The following INPP4B variants were observed in gnomAD, a reference collection of about 807,000 sequenced individuals.
INPP4B encodes inositol polyphosphate-4-phosphatase type II B, also known as inositol polyphosphate 4-phosphatase type II.
In INPP4B, 55 loss-of-function variants were observed where a neutral mutation model predicts 122.5. That is an observed-to-expected ratio of 0.45 (90% CI 0.36 to 0.56). The LOEUF is 0.56. Ranked by LOEUF, INPP4B falls within the 20% of genes least tolerant of loss-of-function variation. The pLI is 0.00. For synonymous variants in INPP4B, 403 were observed against 388.7 expected, an observed-to-expected ratio of 1.04 and a Z score of -0.43; for missense variants, 1,000 against 1,097.7, an observed-to-expected ratio of 0.91 and a Z score of 1.26.
intron 7 of INPP4B, among the ~76,000 whole-genome samples, chr4:142,327,135 G>T (rs1772681673): frequency 2.0e-5 from 3 of 151,868 alleles, no homozygotes; most frequent in Non-Finnish European, 4.4e-5. Context: ...CCATCGTTAG[G>T]TATTAACAGC....
At chr4:142,372,270 A>C (rs911757030) in intron 7 of INPP4B, among the ~76,000 whole-genome samples, 12 of 152,030 alleles carry the variant, frequency 7.9e-5, no homozygotes, top group Non-Finnish European at 1.5e-5. Flanking sequence ...TGGTTACCAG[A>C]GTCTGGGAAG....
intron 2 of INPP4B, among the ~76,000 whole-genome samples, chr4:142,543,061 A>T (rs537202982): frequency 6.6e-6 from 1 of 152,326 alleles, no homozygotes; most frequent in Admixed American, 6.5e-5. Flanking sequence ...AGGTTCTAAA[A>T]TTACATTAAC....
intron 7 of INPP4B, among the ~76,000 whole-genome samples, chr4:142,323,086 C>CA (rs535151538): frequency 5.3e-5 from 8 of 152,206 alleles, no homozygotes; most frequent in Admixed American, 3.3e-4. Flanking sequence ...AAAGGACACA[C>CA]AAAAAAAGTT....
At chr4:142,065,262 C>T (rs1467702364) in intron 25 of INPP4B, among the ~76,000 whole-genome samples, 7 of 147,838 alleles carry the variant, frequency 4.7e-5, no homozygotes, top group Non-Finnish European at 9.0e-5. Context: ...CACACACACA[C>T]ACATACATAG....
intron 2 of INPP4B, among the ~76,000 whole-genome samples, chr4:142,497,811 G>A (rs1310191555): frequency 6.6e-6 from 1 of 152,042 alleles, no homozygotes; most frequent in East Asian, 1.9e-4. Flanking sequence ...ACTGCCACCT[G>A]CAAAATGCCA....
At chr4:142,299,129 G>A (rs1001485790) in intron 9 of INPP4B, among the ~76,000 whole-genome samples, 1 of 150,968 alleles carries the variant, frequency 6.6e-6, no homozygotes, top group Non-Finnish European at 1.5e-5. Flanking sequence ...ATGTTTTCCT[G>A]CTTTTTCACT....
intron 14 of INPP4B, among the ~76,000 whole-genome samples, chr4:142,201,610 C>T (rs1840657311): frequency 6.6e-6 from 1 of 151,824 alleles, no homozygotes; most frequent in Non-Finnish European, 1.5e-5. Context: ...ACTTAAAGTA[C>T]CATGTTCATT....
chr4:142,253,701 C>A (rs999032303), intron 11 of INPP4B, among the ~76,000 whole-genome samples: 1 of 152,214 alleles, frequency 6.6e-6, no homozygotes, highest in East Asian at 1.9e-4. Context: ...CTCGGAGGGT[C>A]CTACGCCCAC....
intron 9 of INPP4B, among the ~76,000 whole-genome samples, chr4:142,272,224 T>A (rs185942025): frequency 6.6e-6 from 1 of 152,210 alleles, no homozygotes; most frequent in African/African-American, 2.4e-5. Flanking sequence ...AAGGGGCATT[T>A]CTATGAGTAG....
At chr4:142,449,001 A>G (rs1305757994) in intron 3 of INPP4B, among the ~76,000 whole-genome samples, 2 of 152,160 alleles carry the variant, frequency 1.3e-5, no homozygotes, top group East Asian at 3.9e-4. Context: ...ATGGATGGGG[A>G]AATGTTTCTG....
At chr4:142,057,091 C>A (rs1028985322) in intron 25 of INPP4B, among the ~76,000 whole-genome samples, 3 of 149,936 alleles carry the variant, frequency 2.0e-5, no homozygotes, top group African/African-American at 7.3e-5. Flanking sequence ...GTGATGGCAG[C>A]GTACACATAT....
At chr4:142,838,267 T>C (rs1441825135) in intron 1 of INPP4B, among the ~76,000 whole-genome samples, 1 of 152,112 alleles carries the variant, frequency 6.6e-6, no homozygotes, top group Non-Finnish European at 1.5e-5. Context: ...ATATTGTCTT[T>C]TGATGATTTT....
chr4:142,477,819 T>C (rs746508607), intron 2 of INPP4B, among the ~76,000 whole-genome samples: 3 of 152,134 alleles, frequency 2.0e-5, no homozygotes, highest in South Asian at 2.1e-4. Context: ...CAGGACCAGA[T>C]GGATTCACAG....
chr4:142,784,178 C>T (rs1775357244), intron 1 of INPP4B, among the ~76,000 whole-genome samples: 2 of 151,874 alleles, frequency 1.3e-5, no homozygotes, highest in Admixed American at 6.6e-5. Flanking sequence ...GCCTGGCCAA[C>T]ATGGTGAAAC....
chr4:142,175,896 C>T (rs1437034727), intron 15 of INPP4B, among the ~76,000 whole-genome samples: 2 of 151,960 alleles, frequency 1.3e-5, no homozygotes, highest in Non-Finnish European at 2.9e-5. Context: ...CCCAGCAGCT[C>T]CAAGAGCAGA....
chr4:142,599,873 T>G (rs150884863), intron 2 of INPP4B, among the ~76,000 whole-genome samples: 39 of 151,990 alleles, frequency 2.6e-4, no homozygotes, highest in African/African-American at 9.4e-4. Flanking sequence ...GAAGAATTCC[T>G]TTAATGAAAT....
intron 16 of INPP4B, among the ~76,000 whole-genome samples, chr4:142,165,402 T>C (rs893371598): frequency 6.6e-6 from 1 of 151,776 alleles, no homozygotes; most frequent in East Asian, 1.9e-4. Flanking sequence ...TCCATAGGGA[T>C]ACTTTCCACA....
intron 2 of INPP4B, among the ~76,000 whole-genome samples, chr4:142,541,895 C>A (rs892105556): frequency 3.9e-5 from 6 of 152,182 alleles, no homozygotes; most frequent in Admixed American, 3.9e-4. Flanking sequence ...GGGACCAGCT[C>A]GTGAAGATCA....
intron 7 of INPP4B, 51 bp from the exon 8 acceptor site, chr4:142,314,813 AAGC>A (rs756975262): frequency 6.8e-7 from 1 of 1,461,410 alleles, no homozygotes; most frequent in South Asian, 1.3e-5. Context: ...ACTAGTGCAG[AAGC>A]CTCGCACAGG....
Sources: gnomAD v4.1 joint callset for allele counts (sites outside exome capture counted in the v4.1 genomes callset) on GRCh38, gnomAD v4.1.1 for gene constraint, MANE v1.5 for transcripts, NCBI Gene and HGNC (gene_info 2026-07-23, HGNC 2026-07-21) for gene names.